CRISPLD2: variants seen among roughly 807,000 people sequenced by gnomAD.
The protein encoded by CRISPLD2 is cysteine rich secretory protein LCCL domain containing 2.
Under a neutral mutation model 71.1 loss-of-function variants are expected in CRISPLD2, and 47 were observed. The observed-to-expected ratio is 0.66, with a 90% confidence interval of 0.52 to 0.84. The LOEUF (loss-of-function observed/expected upper bound fraction) is 0.84. CRISPLD2 is among the 40% of genes least tolerant of loss of function. The probability of loss-of-function intolerance (pLI) is 0.00; values close to 1 mark genes in which losing one functional copy is unlikely to be tolerated. For missense variants in CRISPLD2, 830 were observed against 651.1 expected, an observed-to-expected ratio of 1.27 and a Z score of -2.99; for synonymous variants, 317 against 250.1, an observed-to-expected ratio of 1.27 and a Z score of -2.52.
At chr16:84,837,970 T>C (rs1916667074) in intron 1 of CRISPLD2, among the ~76,000 whole-genome samples, 2 of 152,196 alleles carry the variant, frequency 1.3e-5, no homozygotes, top group African/African-American at 4.8e-5. Context: ...ATTGGTAAAC[T>C]GAGTCTGACT....
chr16:84,826,600 C>T (rs1023935081), intron 1 of CRISPLD2, among the ~76,000 whole-genome samples: 1 of 152,056 alleles, frequency 6.6e-6, no homozygotes, highest in African/African-American at 2.4e-5. Context: ...GTCCGTTCGC[C>T]CCGGGAGGGA....
intron 12 of CRISPLD2, among the ~76,000 whole-genome samples, 153 bp from the exon 13 acceptor site, chr16:84,880,355 GA>G (rs1367920159): frequency 6.6e-6 from 1 of 152,144 alleles, no homozygotes; most frequent in East Asian, 1.9e-4. Context: ...GCTGAGGGGG[GA>G]GAAGTATTGT....
intron 6 of CRISPLD2, 135 bp downstream of exon 6, chr16:84,854,964 T>TC: frequency 1.4e-6 from 1 of 691,096 alleles, no homozygotes; most frequent in Non-Finnish European, 2.6e-6. Flanking sequence ...CTCAGCACAT[T>TC]CCTCCCGCCT....
intron 1 of CRISPLD2, among the ~76,000 whole-genome samples, chr16:84,837,197 AATGACATAC>A: frequency 6.6e-6 from 1 of 152,282 alleles, no homozygotes; most frequent in South Asian, 2.1e-4. Flanking sequence ...TTCTTGGGCC[AATGACATAC>A]ATTTTTCAGA....
chr16:84,835,632 A>G (rs1178751072), intron 1 of CRISPLD2, among the ~76,000 whole-genome samples: 1 of 152,006 alleles, frequency 6.6e-6, no homozygotes, highest in Non-Finnish European at 1.5e-5. Context: ...ACTTGGAGAA[A>G]CCCTCCCATT....
intron 3 of CRISPLD2, among the ~76,000 whole-genome samples, chr16:84,846,899 T>C (rs768620531): frequency 1.3e-5 from 2 of 152,226 alleles, no homozygotes; most frequent in African/African-American, 2.4e-5. Context: ...AGCTGGACCA[T>C]GTATCCGTGC....
In CRISPLD2 at chr16:84,896,282, C is replaced by G. The variant is rs951173880; in HGVS notation, c.1439+6919C>G. 1.6e-4 allele frequency among the ~76,000 whole-genome samples: 25 copies of G among 152,090 alleles called. 1 individual carries two copies. Among genetic ancestry groups the G allele is most frequent in the African/African-American group, 6.0e-4 (25 of 41,498 alleles). ...CAGGCTGGTCTCGAATTCGTGACCT[C>G]AAGTGATCCGCCCACCTCAGCCTCC... On this transcript the variant is annotated intron_variant, in intron 14 of 14. Coordinates refer to ENST00000262424, the MANE Select transcript of CRISPLD2 (RefSeq NM_031476.4).
chr16:84,867,601 T>G (rs906675547), intron 7 of CRISPLD2, among the ~76,000 whole-genome samples: 4 of 152,212 alleles, frequency 2.6e-5, no homozygotes, highest in Admixed American at 6.5e-5. Context: ...AGTTTCGCTC[T>G]TGTCACCCAG....
At chr16:84,821,175 G>C (rs1916221876) in intron 1 of CRISPLD2, among the ~76,000 whole-genome samples, 2 of 152,174 alleles carry the variant, frequency 1.3e-5, no homozygotes. Flanking sequence ...GGGTGAGCCT[G>C]CTTTCCCCAT....
At chr16:84,831,810 C>A (rs184154217) in intron 1 of CRISPLD2, among the ~76,000 whole-genome samples, 145 of 152,364 alleles carry the variant, frequency 9.5e-4, no homozygotes, top group Admixed American at 2.5e-3. Flanking sequence ...TCTCGGCTCA[C>A]TGCAACCTCC....
At chr16:84,883,284 G>A (rs1043734963) in intron 13 of CRISPLD2, among the ~76,000 whole-genome samples, 11 of 152,220 alleles carry the variant, frequency 7.2e-5, no homozygotes, top group Admixed American at 6.5e-5. Context: ...TTGATTTTGG[G>A]AGAGTTGCCT....
chr16:84,880,265 C>G (rs753307758), intron 12 of CRISPLD2, among the ~76,000 whole-genome samples: 1 of 152,094 alleles, frequency 6.6e-6, no homozygotes, highest in Non-Finnish European at 1.5e-5. Flanking sequence ...TTGTGCATGT[C>G]TTTTGTGGAT....
intron 1 of CRISPLD2, among the ~76,000 whole-genome samples, chr16:84,836,642 C>G (rs1916628012): frequency 6.6e-6 from 1 of 152,194 alleles, no homozygotes; most frequent in Admixed American, 6.5e-5. Context: ...GGCTCAGCCT[C>G]TGTCGCCTGT....
rs1180344478 is a variant in CRISPLD2, at chr16:84,873,930, C to T, written c.1123C>T (p.Pro375Ser). Residue 375 changes from proline (P) to serine (S), a missense_variant, in exon 11 of 15, where the codon CCT becomes TCT. Transcript: ENST00000262424. ...TTTTTTTTTAAACAGCAAATACAAA[C>T]CTTCCAGCTCATTCATGGTGTCAAA... ...HGVQSLSKYK[P>S]SSSFMVSKVK... is the part of the protein sequence containing the mutation. 1.3e-6 allele frequency: 2 copies of T among 1,508,184 alleles called. No homozygotes were observed. Among genetic ancestry groups the T allele is most frequent in the South Asian group, 2.4e-5 (2 of 85,050 alleles). 93.4% of individuals were successfully genotyped at this position (1,508,184 alleles called of 1,614,324 possible). A position where few individuals can be genotyped will look rare whatever the true frequency, so the allele number is the denominator to read the frequency against.
intron 2 of CRISPLD2, among the ~76,000 whole-genome samples, chr16:84,844,830 C>T (rs566341568): frequency 3.3e-5 from 5 of 152,146 alleles, no homozygotes; most frequent in East Asian, 3.8e-4. Flanking sequence ...GATAAAGCCT[C>T]CCTGACTGCA....
intron 6 of CRISPLD2, among the ~76,000 whole-genome samples, chr16:84,856,999 G>A (rs1295004204): frequency 1.3e-5 from 2 of 152,226 alleles, no homozygotes; most frequent in Admixed American, 6.5e-5. Flanking sequence ...GTTCCAGTGA[G>A]GACAAACCTC....
chr16:84,824,475 G>GCTGTTCTTTCCATTCT (rs1161199384), intron 1 of CRISPLD2, among the ~76,000 whole-genome samples: 5 of 152,296 alleles, frequency 3.3e-5, no homozygotes, highest in Non-Finnish European at 7.4e-5. Flanking sequence ...CAGTCCAAGA[G>GCTGTTCTTTCCATTCT]CTGTTCTTTC....
intron 1 of CRISPLD2, among the ~76,000 whole-genome samples, chr16:84,832,593 C>T (rs1025533117): frequency 1.3e-5 from 2 of 152,256 alleles, no homozygotes; most frequent in African/African-American, 2.4e-5. Context: ...TCTAGGAAGC[C>T]GTGCTCCTCG....
At chr16:84,859,148 C>T (rs1033331691) in intron 6 of CRISPLD2, among the ~76,000 whole-genome samples, 1 of 152,200 alleles carries the variant, frequency 6.6e-6, no homozygotes, top group Non-Finnish European at 1.5e-5. Context: ...TAATAGCCCT[C>T]CCTTACCTGT....
Sources: gnomAD v4.1 joint callset for allele counts (sites outside exome capture counted in the v4.1 genomes callset) on GRCh38, gnomAD v4.1.1 for gene constraint, MANE v1.5 for transcripts, NCBI Gene and HGNC (gene_info 2026-07-23, HGNC 2026-07-21) for gene names.